Variants in GALNT13 observed in about 807,000 individuals in gnomAD.
GALNT13 encodes the protein UDP-GalNAc:polypeptide N-acetylgalactosaminyltransferase 13.
In GALNT13, 28 loss-of-function variants were observed where a neutral mutation model predicts 64.2. The ratio of observed to expected loss-of-function variants is 0.44; its 90% confidence interval spans 0.32 to 0.60. The LOEUF is 0.60. Among genes scored for constraint, GALNT13 ranks in the 20% least tolerant of loss-of-function variants. GALNT13 has a pLI of 0.05. For synonymous variants in GALNT13, 214 were observed against 224.6 expected (o/e 0.95, Z 0.42); for missense variants, 577 against 669.8 (o/e 0.86, Z 1.53).
At chr2:153,647,819 G>A in the GALNT13 span, among the ~76,000 whole-genome samples, 26 of 152,018 alleles carry the variant, frequency 1.7e-4, no homozygotes, top group Non-Finnish European at 1.2e-4. Flanking sequence ...TGTTCCATTG[G>A]TCTATATCTC....
chr2:153,705,456 G>T, the GALNT13 span, among the ~76,000 whole-genome samples: 4 of 151,756 alleles, frequency 2.6e-5, no homozygotes, highest in East Asian at 7.7e-4. Flanking sequence ...AAAACTCAGT[G>T]AGTCACAATA....
At chr2:153,091,313 G>A in the GALNT13 span, among the ~76,000 whole-genome samples, 2 of 152,020 alleles carry the variant, frequency 1.3e-5, no homozygotes, top group Non-Finnish European at 2.9e-5. Context: ...TCCTGTTGCT[G>A]CTTCTACTTT....
At chr2:154,271,780 G>C in intron 8 of GALNT13, among the ~76,000 whole-genome samples, 1 of 151,700 alleles carries the variant, frequency 6.6e-6, no homozygotes, top group South Asian at 2.1e-4. Context: ...GTCTATGTTA[G>C]CATAAAAACT....
the GALNT13 span, among the ~76,000 whole-genome samples, chr2:153,400,840 C>T: frequency 5.3e-5 from 8 of 152,084 alleles, no homozygotes; most frequent in African/African-American, 1.2e-4. Flanking sequence ...GTCTGGCTAA[C>T]GGTCTATCAA....
chr2:153,226,825 C>T, the GALNT13 span, among the ~76,000 whole-genome samples: 1 of 152,166 alleles, frequency 6.6e-6, no homozygotes, highest in African/African-American at 2.4e-5. Flanking sequence ...AAACATAATG[C>T]ATCCAGCTCG....
chr2:153,428,425 G>A, the GALNT13 span, among the ~76,000 whole-genome samples: 2 of 152,136 alleles, frequency 1.3e-5, no homozygotes, highest in African/African-American at 4.8e-5. Context: ...ACTCATTACT[G>A]CAGGGATGGC....
the GALNT13 span, among the ~76,000 whole-genome samples, chr2:153,765,464 T>C: frequency 2.0e-5 from 3 of 152,318 alleles, no homozygotes; most frequent in East Asian, 5.8e-4. Flanking sequence ...TTTCTCCTAT[T>C]TGAAACATGT....
At chr2:154,439,324 T>G (rs758768312) in intron 12 of GALNT13, among the ~76,000 whole-genome samples, 28 of 152,144 alleles carry the variant, frequency 1.8e-4, no homozygotes, top group Non-Finnish European at 3.5e-4. Flanking sequence ...CCAGGCAGTG[T>G]GTAAAAACCA....
At chr2:153,503,679 G>A in the GALNT13 span, among the ~76,000 whole-genome samples, 1 of 152,226 alleles carries the variant, frequency 6.6e-6, no homozygotes, top group African/African-American at 2.4e-5. Flanking sequence ...GGCCTCAAAT[G>A]ATCCACCCAC....
intron 4 of GALNT13, among the ~76,000 whole-genome samples, chr2:154,220,691 G>A (rs1688279159): frequency 6.6e-6 from 1 of 151,974 alleles, no homozygotes; most frequent in Admixed American, 6.6e-5. Context: ...CAGTAATAAA[G>A]CAAGTTGTCA....
At chr2:153,940,537 G>T (rs908798431) in intron 2 of GALNT13, among the ~76,000 whole-genome samples, 26 of 152,032 alleles carry the variant, frequency 1.7e-4, no homozygotes, top group Non-Finnish European at 1.9e-4. Flanking sequence ...GATTACAGGT[G>T]TGAGCCACCG....
intron 7 of GALNT13, among the ~76,000 whole-genome samples, chr2:154,253,898 T>C (rs1690223904): frequency 6.6e-6 from 1 of 152,198 alleles, no homozygotes; most frequent in Admixed American, 6.5e-5. Context: ...AACCAATGTA[T>C]TGGGTATGCT....
the GALNT13 span, among the ~76,000 whole-genome samples, chr2:153,316,689 T>C: frequency 7.4e-5 from 11 of 149,378 alleles, no homozygotes; most frequent in Non-Finnish European, 1.3e-4. Context: ...GCAGTTCTGT[T>C]CATAAAACCC....
the GALNT13 span, among the ~76,000 whole-genome samples, chr2:153,676,895 A>G: frequency 6.6e-6 from 1 of 152,102 alleles, no homozygotes; most frequent in Admixed American, 6.6e-5. Context: ...AATGAAAACC[A>G]TCTACGAAAA....
chr2:154,445,812 T>C (rs951814362), intron 12 of GALNT13: 1 of 1,288,336 alleles, frequency 7.8e-7, no homozygotes, highest in Non-Finnish European at 1.0e-6. Flanking sequence ...ACTTACTTAG[T>C]GTCTCCCAAG....
the GALNT13 span, among the ~76,000 whole-genome samples, chr2:153,205,052 G>A: frequency 1.3e-5 from 2 of 152,052 alleles, no homozygotes; most frequent in Non-Finnish European, 2.9e-5. Flanking sequence ...GATGGTAAAC[G>A]TTATTTTGAA....
At chr2:154,266,640 T>C (rs1300512222) in intron 8 of GALNT13, among the ~76,000 whole-genome samples, 1 of 151,930 alleles carries the variant, frequency 6.6e-6, no homozygotes, top group Non-Finnish European at 1.5e-5. Context: ...TATTTATTAA[T>C]AGTTAGTAGA....
chr2:154,384,422 A>C (rs551994569), intron 9 of GALNT13, among the ~76,000 whole-genome samples: 2 of 151,998 alleles, frequency 1.3e-5, no homozygotes, highest in East Asian at 3.9e-4. Context: ...TAAATAATTA[A>C]AGAATAAATA....
At chr2:153,359,023 G>A in the GALNT13 span, among the ~76,000 whole-genome samples, 1 of 152,222 alleles carries the variant, frequency 6.6e-6, no homozygotes, top group South Asian at 2.1e-4. Flanking sequence ...TAATTTCACT[G>A]AAGATTGTTT....
Sources: allele counts gnomAD v4.1 joint callset (sites outside exome capture counted in the v4.1 genomes callset), GRCh38; gene constraint gnomAD v4.1.1; transcripts MANE v1.5; gene names NCBI Gene and HGNC (gene_info 2026-07-23, HGNC 2026-07-21).